CHST9: variants seen among roughly 807,000 people sequenced by gnomAD.
CHST9 encodes the protein GalNAc-4-sulfotransferase 2.
A neutral mutation model predicts 44.4 loss-of-function variants in CHST9; 41 were observed. That is an observed-to-expected ratio of 0.92 (90% CI 0.72 to 1.20). CHST9 has a LOEUF of 1.20. Among genes scored for constraint, CHST9 ranks in the 50% most tolerant of loss-of-function variants. CHST9 has a pLI of 0.00. For synonymous variants in CHST9, 171 were observed against 178.4 expected (o/e 0.96, Z 0.33); for missense variants, 504 against 516.5 (o/e 0.98, Z 0.23).
intron 2 of CHST9, among the ~76,000 whole-genome samples, chr18:27,053,098 AAAG>A (rs1249020997): frequency 9.1e-5 from 13 of 142,946 alleles, no homozygotes; most frequent in South Asian, 2.2e-4. Flanking sequence ...AAGAAGAAGA[AAAG>A]AAGAAGAAGA....
intron 2 of CHST9, among the ~76,000 whole-genome samples, chr18:27,128,531 G>A (rs916556699): frequency 2.0e-5 from 3 of 152,200 alleles, no homozygotes; most frequent in African/African-American, 7.2e-5. Flanking sequence ...GCCTCCCAAA[G>A]TGCTGGGATT....
At chr18:26,941,307 A>T (rs2056078576) in intron 5 of CHST9, among the ~76,000 whole-genome samples, 1 of 152,276 alleles carries the variant, frequency 6.6e-6, no homozygotes, top group East Asian at 1.9e-4. Flanking sequence ...CCTCTTTGTT[A>T]TCTAGCTGCA....
intron 4 of CHST9, among the ~76,000 whole-genome samples, chr18:26,976,889 C>T (rs1435036084): frequency 1.3e-5 from 2 of 152,080 alleles, no homozygotes; most frequent in Admixed American, 6.6e-5. Flanking sequence ...CTTCTTCAGG[C>T]AGTCTTATGC....
intron 5 of CHST9, among the ~76,000 whole-genome samples, chr18:26,925,432 T>C (rs2055747869): frequency 6.6e-6 from 1 of 152,238 alleles, no homozygotes; most frequent in African/African-American, 2.4e-5. Context: ...AACACAGCTA[T>C]TGCTGGAGCT....
chr18:27,169,306 A>G (rs577950036), intron 1 of CHST9, among the ~76,000 whole-genome samples: 31 of 152,224 alleles, frequency 2.0e-4, no homozygotes, highest in Non-Finnish European at 4.1e-4. Context: ...TCATAAGCAT[A>G]TAGATGATCA....
At chr18:27,048,666 T>C (rs1171391276) in intron 2 of CHST9, among the ~76,000 whole-genome samples, 163 bp from the exon 3 acceptor site, 3 of 152,168 alleles carry the variant, frequency 2.0e-5, no homozygotes, top group Non-Finnish European at 4.4e-5. Flanking sequence ...GCATAAGAAC[T>C]GCTTACAAAC....
At chr18:27,093,225 C>A (rs184636240) in intron 2 of CHST9, among the ~76,000 whole-genome samples, 1 of 152,256 alleles carries the variant, frequency 6.6e-6, no homozygotes, top group African/African-American at 2.4e-5. Context: ...AGGAGGCAGT[C>A]TCTCCATTCT....
chr18:27,166,635 C>G (rs9965760), intron 1 of CHST9, among the ~76,000 whole-genome samples: 1,714 of 152,274 alleles, frequency 0.011, 27 homozygotes, highest in African/African-American at 0.036. Flanking sequence ...TCTAGACAGT[C>G]TCTTCAGTTC....
chr18:26,964,393 A>T (rs78615758), intron 4 of CHST9, among the ~76,000 whole-genome samples: 1,609 of 152,358 alleles, frequency 0.011, 8 homozygotes, highest in Non-Finnish European at 0.017. Flanking sequence ...GACTTCAAAC[A>T]AATAGGACTT....
chr18:26,963,153 T>C (rs331992), intron 4 of CHST9, among the ~76,000 whole-genome samples: 101,326 of 151,910 alleles, frequency 0.67, 34,603 homozygotes, highest in African/African-American at 0.81. Context: ...ACTCATGGGG[T>C]CATATGTGAA....
chr18:27,150,950 G>A (rs545317483), intron 1 of CHST9, among the ~76,000 whole-genome samples: 1 of 152,196 alleles, frequency 6.6e-6, no homozygotes, highest in East Asian at 1.9e-4. Context: ...TTTTGAAAAT[G>A]TATTGTTTCT....
At chr18:27,152,167 T>C (rs1015324156) in intron 1 of CHST9, among the ~76,000 whole-genome samples, 1 of 152,216 alleles carries the variant, frequency 6.6e-6, no homozygotes, top group African/African-American at 2.4e-5. Flanking sequence ...TACATCTTGT[T>C]GCTTTGATTT....
At chr18:26,996,619 C>A (rs1450348132) in intron 4 of CHST9, among the ~76,000 whole-genome samples, 1 of 152,122 alleles carries the variant, frequency 6.6e-6, no homozygotes, top group Non-Finnish European at 1.5e-5. Context: ...AAGGCGGATA[C>A]CTGCCCCAAA....
chr18:27,115,811 C>A lies in CHST9; in HGVS notation c.121+26878G>T, dbSNP rs73406615. 5.0e-3 allele frequency among the ~76,000 whole-genome samples: 761 copies of A among 152,258 alleles called. 7 individuals are homozygous for A. The highest frequency in any genetic ancestry group is 0.018 in the African/African-American group (736 of 41,556). On this transcript the variant is annotated intron_variant, in intron 2 of 5. Coordinates refer to ENST00000618847, the MANE Select transcript of CHST9 (RefSeq NM_031422.6). ...TACAGGTGTGAGCCACCATGTCCAG[C>A]CCTGTCTTTTTTATTTTAGCCATTC... is the stretch of plus-strand genomic sequence containing the variant.
At chr18:26,986,685 G>A (rs1246927729) in intron 4 of CHST9, among the ~76,000 whole-genome samples, 1 of 151,942 alleles carries the variant, frequency 6.6e-6, no homozygotes, top group East Asian at 1.9e-4. Flanking sequence ...AACAGCCAGA[G>A]GAACAAAAGA....
chr18:27,157,094 G>A (rs962345521), intron 1 of CHST9, among the ~76,000 whole-genome samples: 2 of 151,992 alleles, frequency 1.3e-5, no homozygotes, highest in Admixed American at 6.6e-5. Context: ...TAAAATCCTT[G>A]TAGAAGTATT....
intron 2 of CHST9, among the ~76,000 whole-genome samples, chr18:27,065,217 G>GT (rs2057768096): frequency 6.6e-6 from 1 of 152,198 alleles, no homozygotes; most frequent in Admixed American, 6.5e-5. Context: ...TCAGAGGAAT[G>GT]TAAGAATCTT....
chr18:27,145,340 A>G (rs1177728816), intron 1 of CHST9, among the ~76,000 whole-genome samples: 2 of 152,066 alleles, frequency 1.3e-5, no homozygotes, highest in Non-Finnish European at 2.9e-5. Context: ...TAGCTGAGCC[A>G]CACCCGACTA....
At chr18:27,129,506 C>A (rs1465745294) in intron 2 of CHST9, among the ~76,000 whole-genome samples, 1 of 152,060 alleles carries the variant, frequency 6.6e-6, no homozygotes, top group East Asian at 1.9e-4. Context: ...AATTCTCCTG[C>A]CCCAGTCACC....
Sources: gnomAD v4.1 joint callset for allele counts (sites outside exome capture counted in the v4.1 genomes callset) on GRCh38, gnomAD v4.1.1 for gene constraint, MANE v1.5 for transcripts, NCBI Gene and HGNC (gene_info 2026-07-23, HGNC 2026-07-21) for gene names.